Variants in MRAP2 observed in about 807,000 individuals in gnomAD.
MRAP2 encodes the protein melanocortin-2 receptor accessory protein 2.
MRAP2 carries 20 observed loss-of-function variants against 17.4 expected under a neutral mutation model. That is an observed-to-expected ratio of 1.15 (90% CI 0.81 to 1.67). The LOEUF is 1.67. Ranked by LOEUF, MRAP2 falls within the 40% of genes most tolerant of loss-of-function variation. The pLI, the probability that MRAP2 is intolerant of heterozygous loss-of-function variation, is 0.00. For synonymous variants in MRAP2, 96 were observed against 88.4 expected, an observed-to-expected ratio of 1.09 and a Z score of -0.48; for missense variants, 238 against 240.0, an observed-to-expected ratio of 0.99 and a Z score of 0.05.
the MRAP2 span, among the ~76,000 whole-genome samples, chr6:84,108,230 G>A: frequency 6.6e-6 from 1 of 152,062 alleles, no homozygotes; most frequent in East Asian, 1.9e-4. Flanking sequence ...TGGGTCAAAT[G>A]GTATTTCTGC....
At chr6:84,093,278 GAA>G (rs1491202915), downstream of MRAP2, among the ~76,000 whole-genome samples, 3 of 151,810 alleles carry the variant, frequency 2.0e-5, no homozygotes, top group Non-Finnish European at 2.9e-5. Flanking sequence ...TAGAGAGAGA[GAA>G]AGAAAAAGGG....
intron 1 of MRAP2, among the ~76,000 whole-genome samples, chr6:84,037,864 TC>T (rs1486153614): frequency 6.6e-6 from 1 of 151,942 alleles, no homozygotes; most frequent in African/African-American, 2.4e-5. Context: ...AGCTCCAGCC[TC>T]GGCCAGCCCA....
the MRAP2 span, among the ~76,000 whole-genome samples, chr6:84,142,876 C>G: frequency 0.024 from 3,666 of 152,102 alleles, 138 homozygotes; most frequent in African/African-American, 0.084. Context: ...GCTTGCCTAA[C>G]CTGCATGTGT....
the MRAP2 span, among the ~76,000 whole-genome samples, chr6:84,114,401 T>A: frequency 6.6e-6 from 1 of 152,128 alleles, no homozygotes; most frequent in African/African-American, 2.4e-5. Context: ...CTTCACAAAG[T>A]TCTCATGTTG....
chr6:84,075,648 C>G (rs1190560627), intron 3 of MRAP2, among the ~76,000 whole-genome samples: 1 of 152,124 alleles, frequency 6.6e-6, no homozygotes, highest in Non-Finnish European at 1.5e-5. Context: ...ATGTAGAATA[C>G]TTCGGACTTC....
Position 84,045,957 on chromosome 6 carries a change from T to C in MRAP2, c.-7-9355T>C, listed in dbSNP as rs985740865. On this transcript the variant is annotated intron_variant, in intron 1 of 3. Transcript: ENST00000257776. ...TCTGGAAGGACTTTCACTACATCCC[T>C]TCTGGTTCTTTTCCTTTGTTTGTAA... Among the ~76,000 whole-genome samples the C allele has an allele frequency of 2.0e-5, 3 of 152,318 alleles. No individual in the cohort carries two copies. The East Asian group carries it at 5.8e-4, about 29-fold the overall frequency.
intron 1 of MRAP2, among the ~76,000 whole-genome samples, chr6:84,043,604 G>C (rs1258578653): frequency 6.9e-6 from 1 of 145,340 alleles, no homozygotes; most frequent in African/African-American, 2.5e-5. Context: ...TGTTTCTACT[G>C]TCTATGTCTT....
intron 1 of MRAP2, chr6:84,045,435 C>G (rs2099488725): frequency 8.2e-6 from 8 of 971,588 alleles, no homozygotes; most frequent in Non-Finnish European, 9.8e-6. Flanking sequence ...CAGCCGTCAC[C>G]CTTCATTGAA....
At chr6:84,033,186 C>T (rs1007972351), upstream of MRAP2, among the ~76,000 whole-genome samples, 2 of 152,184 alleles carry the variant, frequency 1.3e-5, no homozygotes, top group East Asian at 1.9e-4. Flanking sequence ...AATGCAAGCA[C>T]CAAGCACCTG....
the MRAP2 span, among the ~76,000 whole-genome samples, chr6:84,107,113 G>T: frequency 1.3e-5 from 2 of 151,996 alleles, no homozygotes; most frequent in Non-Finnish European, 2.9e-5. Context: ...GGATCATATA[G>T]CCCAAATGGC....
chr6:84,142,640 G>T, the MRAP2 span, among the ~76,000 whole-genome samples: 1 of 152,194 alleles, frequency 6.6e-6, no homozygotes, highest in African/African-American at 2.4e-5. Context: ...ATAAAAATAG[G>T]CATGACTTCA....
chr6:84,109,813 C>T, the MRAP2 span, among the ~76,000 whole-genome samples: 4 of 150,438 alleles, frequency 2.7e-5, no homozygotes, highest in African/African-American at 9.8e-5. Flanking sequence ...CATGTGTTCT[C>T]GTTCTTCAAC....
At chr6:84,140,529 TTTG>T in the MRAP2 span, among the ~76,000 whole-genome samples, 1 of 139,748 alleles carries the variant, frequency 7.2e-6, no homozygotes, top group African/African-American at 3.4e-5. Context: ...TTCTTGGTTT[TTTG>T]TTTGTTTTTC....
chr6:84,130,646 G>A, the MRAP2 span, among the ~76,000 whole-genome samples: 1 of 152,172 alleles, frequency 6.6e-6, no homozygotes, highest in Non-Finnish European at 1.5e-5. Flanking sequence ...TATTTGCATA[G>A]AGGTGTTTAT....
chr6:84,080,664 A>G (rs1283261499), intron 3 of MRAP2, among the ~76,000 whole-genome samples: 2 of 152,222 alleles, frequency 1.3e-5, no homozygotes, highest in East Asian at 1.9e-4. Flanking sequence ...GGTGTTGGCT[A>G]TCACTTCAAA....
chr6:84,131,360 G>C, the MRAP2 span, among the ~76,000 whole-genome samples: 67 of 152,302 alleles, frequency 4.4e-4, 1 homozygote, highest in African/African-American at 1.6e-3. Flanking sequence ...TGTTTATTAG[G>C]TCTGCTTGGT....
At chr6:84,043,384 T>C (rs1018942025) in intron 1 of MRAP2, among the ~76,000 whole-genome samples, 1 of 151,938 alleles carries the variant, frequency 6.6e-6, no homozygotes, top group African/African-American at 2.4e-5. Context: ...AGAGAGATCC[T>C]CAATGTAGTG....
chr6:84,073,252 G>A (rs1460141497), intron 3 of MRAP2, among the ~76,000 whole-genome samples: 1 of 152,216 alleles, frequency 6.6e-6, no homozygotes, highest in Non-Finnish European at 1.5e-5. Flanking sequence ...GAGCGCCCAG[G>A]GCCTTTCTTC....
intron 3 of MRAP2, among the ~76,000 whole-genome samples, chr6:84,079,203 T>C (rs1265733678): frequency 1.3e-5 from 2 of 152,186 alleles, no homozygotes; most frequent in African/African-American, 4.8e-5. Flanking sequence ...AGTATGTTCA[T>C]ACAATGGGCA....
Sources: allele counts gnomAD v4.1 joint callset (sites outside exome capture counted in the v4.1 genomes callset), GRCh38; gene constraint gnomAD v4.1.1; transcripts MANE v1.5; gene names NCBI Gene and HGNC (gene_info 2026-07-23, HGNC 2026-07-21).